The following PARP8 variants were observed in gnomAD, a reference collection of about 807,000 sequenced individuals.
PARP8 encodes the protein protein mono-ADP-ribosyltransferase PARP8.
In PARP8, 51 loss-of-function variants were observed where a neutral mutation model predicts 124.1. The ratio of observed to expected loss-of-function variants is 0.41; its 90% CI spans 0.33 to 0.52. PARP8 has a LOEUF of 0.52. Among genes scored for constraint, PARP8 ranks in the 20% least tolerant of loss-of-function variants. The pLI, the probability that PARP8 is intolerant of heterozygous loss-of-function variation, is 0.21. For missense variants in PARP8, 860 were observed against 1,018.9 expected (o/e 0.84, Z 2.12); for synonymous variants, 391 against 361.5 (o/e 1.08, Z -0.93).
chr5:50,669,841 C>T (rs571179559), intron 2 of PARP8, among the ~76,000 whole-genome samples: 1 of 152,120 alleles, frequency 6.6e-6, no homozygotes, highest in Non-Finnish European at 1.5e-5. Context: ...TTAAATGTAC[C>T]TGGCTGTTTC....
chr5:50,703,725 A>G (rs1753829589), intron 2 of PARP8, among the ~76,000 whole-genome samples: 1 of 152,036 alleles, frequency 6.6e-6, no homozygotes, highest in African/African-American at 2.4e-5. Flanking sequence ...AACCTGGGCA[A>G]TGCAGGGAGA....
intron 2 of PARP8, among the ~76,000 whole-genome samples, chr5:50,734,121 A>C (rs1271794204): frequency 6.6e-6 from 1 of 152,194 alleles, no homozygotes; most frequent in Non-Finnish European, 1.5e-5. Flanking sequence ...AGAGTGATAA[A>C]AAGGCTTTTA....
intron 10 of PARP8, among the ~76,000 whole-genome samples, chr5:50,793,085 G>A (rs1742146329): frequency 6.6e-6 from 1 of 152,058 alleles, no homozygotes; most frequent in Non-Finnish European, 1.5e-5. Flanking sequence ...TCTCTTATTT[G>A]TGAAATGTGT....
intron 2 of PARP8, among the ~76,000 whole-genome samples, chr5:50,749,849 G>A (rs1243534333): frequency 6.6e-6 from 1 of 151,982 alleles, no homozygotes; most frequent in Non-Finnish European, 1.5e-5. Context: ...CATATAATAG[G>A]AAAAATAGAC....
chr5:50,783,371 T>C (rs1740885929), intron 9 of PARP8, among the ~76,000 whole-genome samples: 1 of 152,324 alleles, frequency 6.6e-6, no homozygotes, highest in Non-Finnish European at 1.5e-5. Context: ...GAATGAGGAA[T>C]GGACTTGAGA....
intron 2 of PARP8, chr5:50,744,997 T>A: frequency 2.1e-6 from 1 of 485,194 alleles, no homozygotes; most frequent in South Asian, 3.4e-5. Flanking sequence ...CAATCATCCA[T>A]GTCTGTTTGT....
intron 2 of PARP8, among the ~76,000 whole-genome samples, chr5:50,729,676 A>C (rs1237330867): frequency 1.3e-5 from 2 of 152,144 alleles, no homozygotes; most frequent in Non-Finnish European, 2.9e-5. Context: ...ATATCTCCTC[A>C]GGCATCTTCC....
intron 14 of PARP8, among the ~76,000 whole-genome samples, chr5:50,810,084 T>C (rs1371913716): frequency 6.6e-6 from 1 of 152,048 alleles, no homozygotes; most frequent in Non-Finnish European, 1.5e-5. Flanking sequence ...GTTGAAAACT[T>C]CTAAAATATA....
chr5:50,780,010 A>G (rs1740488286), intron 9 of PARP8, among the ~76,000 whole-genome samples: 1 of 152,214 alleles, frequency 6.6e-6, no homozygotes, highest in Non-Finnish European at 1.5e-5. Context: ...AGATATATAA[A>G]TATGTAATAA....
chr5:50,830,412 T>C (rs1011939034), intron 22 of PARP8, among the ~76,000 whole-genome samples: 1 of 152,188 alleles, frequency 6.6e-6, no homozygotes, highest in Admixed American at 6.6e-5. Flanking sequence ...TTAACAACTT[T>C]TTGTAAATTT....
At chr5:50,738,249 G>GTTA (rs1307564923) in intron 2 of PARP8, among the ~76,000 whole-genome samples, 1 of 152,146 alleles carries the variant, frequency 6.6e-6, no homozygotes, top group Non-Finnish European at 1.5e-5. Flanking sequence ...GGGAAAAATT[G>GTTA]TTAAATCATG....
chr5:50,682,291 C>T (rs1268116994), intron 2 of PARP8, among the ~76,000 whole-genome samples: 2 of 152,020 alleles, frequency 1.3e-5, no homozygotes, highest in Admixed American at 6.6e-5. Flanking sequence ...GGCAGGGTGT[C>T]GAATATTTGA....
chr5:50,826,863 T>A, intron 19 of PARP8, 60 bp downstream of exon 19: 2 of 1,552,600 alleles, frequency 1.3e-6, no homozygotes, highest in South Asian at 2.5e-5. Context: ...ACTTATCAGT[T>A]GGGAGAACCT....
At chr5:50,795,981 T>A (rs1435396552) in intron 12 of PARP8, among the ~76,000 whole-genome samples, 1 of 152,342 alleles carries the variant, frequency 6.6e-6, no homozygotes, top group African/African-American at 2.4e-5. Flanking sequence ...TAGCCGTTTT[T>A]GGGGGACATG....
intron 2 of PARP8, among the ~76,000 whole-genome samples, chr5:50,743,154 A>G (rs1401166220): frequency 6.6e-6 from 1 of 152,046 alleles, no homozygotes; most frequent in Non-Finnish European, 1.5e-5. Context: ...GGTAGGGAAA[A>G]CGAGGCCATG....
chr5:50,713,588 A>G (rs1002885458), intron 2 of PARP8, among the ~76,000 whole-genome samples: 1 of 152,040 alleles, frequency 6.6e-6, no homozygotes, highest in Non-Finnish European at 1.5e-5. Flanking sequence ...TTAATCTGAT[A>G]ATATAATGTG....
chr5:50,830,027 C>T (rs1291244820), intron 22 of PARP8, 66 bp downstream of exon 22: 10 of 1,513,424 alleles, frequency 6.6e-6, no homozygotes, highest in African/African-American at 2.8e-5. Context: ...TGTTTATACT[C>T]TATTCACAGC....
intron 14 of PARP8, among the ~76,000 whole-genome samples, chr5:50,808,876 C>G (rs893124097): frequency 2.6e-5 from 4 of 151,922 alleles, no homozygotes; most frequent in African/African-American, 4.8e-5. Flanking sequence ...GTATTTAGAC[C>G]TGACTTTAAT....
chr5:50,671,865 G>T (rs1191377530), intron 2 of PARP8, among the ~76,000 whole-genome samples: 3 of 152,184 alleles, frequency 2.0e-5, no homozygotes, highest in Non-Finnish European at 2.9e-5. Context: ...GGCAGGATGT[G>T]TGTTGCCTGC....
Sources: gnomAD v4.1 joint callset for allele counts (sites outside exome capture counted in the v4.1 genomes callset) on GRCh38, gnomAD v4.1.1 for gene constraint, MANE v1.5 for transcripts, NCBI Gene and HGNC (gene_info 2026-07-23, HGNC 2026-07-21) for gene names.